Variants in LPP observed in about 807,000 individuals in gnomAD.
The protein encoded by LPP is LIM domain containing preferred translocation partner in lipoma.
In LPP, 38 loss-of-function variants were observed where a neutral mutation model predicts 60.4. That is an observed-to-expected ratio of 0.63 (90% CI 0.49 to 0.83). The LOEUF is 0.83. Among genes scored for constraint, LPP ranks in the 40% least tolerant of loss-of-function variants. The probability of loss-of-function intolerance (pLI) is 0.00; values close to 1 mark genes in which losing one functional copy is unlikely to be tolerated. For missense variants in LPP, 902 were observed against 783.6 expected, an observed-to-expected ratio of 1.15 and a Z score of -1.80; for synonymous variants, 328 against 290.8, an observed-to-expected ratio of 1.13 and a Z score of -1.30.
intron 4 of LPP, 38 bp from the exon 5 acceptor site, chr3:188,484,554 T>C (rs1560463659): frequency 7.0e-7 from 1 of 1,424,536 alleles, no homozygotes; most frequent in Non-Finnish European, 9.9e-7. Flanking sequence ...TAACGTTGCA[T>C]CCTTATTAAC....
At chr3:188,473,671 A>T (rs1475842807) in intron 4 of LPP, among the ~76,000 whole-genome samples, 1 of 152,208 alleles carries the variant, frequency 6.6e-6, no homozygotes, top group Non-Finnish European at 1.5e-5. Context: ...AATTCTGTCT[A>T]TGACATGTAT....
intron 3 of LPP, among the ~76,000 whole-genome samples, chr3:188,362,302 T>C (rs998677146): frequency 6.6e-6 from 1 of 152,220 alleles, no homozygotes; most frequent in African/African-American, 2.4e-5. Flanking sequence ...TGAGAATATC[T>C]TCTCCAAAGA....
chr3:188,587,828 G>A (rs1390452279), intron 6 of LPP, among the ~76,000 whole-genome samples: 1 of 152,128 alleles, frequency 6.6e-6, no homozygotes, highest in Admixed American at 6.6e-5. Context: ...TCTTTAAGAG[G>A]TTTAGGGAAT....
At chr3:188,248,038 G>C (rs1727639163) in intron 2 of LPP, among the ~76,000 whole-genome samples, 1 of 152,066 alleles carries the variant, frequency 6.6e-6, no homozygotes, top group Middle Eastern at 3.2e-3. Context: ...AAGCTCCCGA[G>C]AGTTTAGAAC....
intron 2 of LPP, among the ~76,000 whole-genome samples, chr3:188,237,689 G>A (rs1722405281): frequency 6.6e-6 from 1 of 151,354 alleles, no homozygotes; most frequent in African/African-American, 2.4e-5. Context: ...TTTCTGAGCA[G>A]TAGGTAACAG....
intron 5 of LPP, among the ~76,000 whole-genome samples, chr3:188,510,363 A>G (rs1284268808): frequency 6.6e-6 from 1 of 152,212 alleles, no homozygotes; most frequent in African/African-American, 2.4e-5. Context: ...AATCACGTTC[A>G]TTTCTGATTA....
chr3:188,462,542 CTTTATATATATATATATA>C (rs1445635851), intron 4 of LPP, among the ~76,000 whole-genome samples: 807 of 64,284 alleles, frequency 0.013, 40 homozygotes, highest in East Asian at 0.044. Context: ...TTTATATGAG[CTTTATATATATATATATA>C]TATATATATA....
intron 3 of LPP, among the ~76,000 whole-genome samples, chr3:188,392,654 G>A (rs930743384): frequency 1.3e-5 from 2 of 152,060 alleles, no homozygotes; most frequent in African/African-American, 2.4e-5. Flanking sequence ...TTTCTAAATT[G>A]TCTTGACAAT....
At chr3:188,273,883 C>T (rs948062458) in intron 2 of LPP, among the ~76,000 whole-genome samples, 2 of 152,070 alleles carry the variant, frequency 1.3e-5, no homozygotes, top group African/African-American at 4.8e-5. Flanking sequence ...GTGTGAGCCA[C>T]CATGTCTGGC....
At chr3:188,374,324 T>G (rs1245956503) in intron 3 of LPP, among the ~76,000 whole-genome samples, 3 of 152,184 alleles carry the variant, frequency 2.0e-5, no homozygotes, top group Non-Finnish European at 4.4e-5. Flanking sequence ...ATGATATTGA[T>G]TCTTCCTACC....
At chr3:188,561,881 T>G (rs1830763068) in intron 6 of LPP, among the ~76,000 whole-genome samples, 1 of 152,002 alleles carries the variant, frequency 6.6e-6, no homozygotes, top group African/African-American at 2.4e-5. Flanking sequence ...GAAACTGTTA[T>G]GAGTAAAGAT....
chr3:188,465,509 C>G (rs1007946228), intron 4 of LPP, among the ~76,000 whole-genome samples: 5 of 152,176 alleles, frequency 3.3e-5, no homozygotes, highest in African/African-American at 1.2e-4. Context: ...AATATTCTCA[C>G]AAAAGCCTTC....
intron 8 of LPP, among the ~76,000 whole-genome samples, chr3:188,725,702 A>G (rs1038425070): frequency 6.6e-6 from 1 of 152,212 alleles, no homozygotes; most frequent in Admixed American, 6.5e-5. Context: ...TCCATTAAAC[A>G]TTAGTCCACA....
chr3:188,401,843 T>A (rs888655019), intron 3 of LPP, among the ~76,000 whole-genome samples: 2 of 152,148 alleles, frequency 1.3e-5, no homozygotes, highest in East Asian at 3.9e-4. Flanking sequence ...ACTATAAGGA[T>A]GTATAACTTG....
At chr3:188,295,131 G>T (rs1747423119) in intron 2 of LPP, among the ~76,000 whole-genome samples, 1 of 152,150 alleles carries the variant, frequency 6.6e-6, no homozygotes, top group South Asian at 2.1e-4. Context: ...GTATTTGAAC[G>T]GTTCGTACAC....
At chr3:188,708,645 G>A (rs1865958816) in intron 8 of LPP, 1 of 559,764 alleles carries the variant, frequency 1.8e-6, no homozygotes, top group Admixed American at 3.1e-5. Flanking sequence ...TTTTATTGTT[G>A]AGACTTATTT....
At chr3:188,602,766 C>A (rs2151245182) in intron 6 of LPP, among the ~76,000 whole-genome samples, 1 of 150,842 alleles carries the variant, frequency 6.6e-6, no homozygotes, top group South Asian at 2.1e-4. Context: ...TAGCATTTCC[C>A]CTCCTTTGTT....
Position 188,524,656 on chromosome 3 carries a change from T to C in LPP, c.307-9T>C, listed in dbSNP as rs1276269681. ...TCCTTTGTTAACATGTCTGTGTTGC[T>C]TCCAACAGGGGAATCCCGGAGGCAA... On this transcript the variant is annotated splice_polypyrimidine_tract_variant and intron_variant, in intron 5 of 11. Coordinates refer to ENST00000617246, the MANE Select transcript of LPP (RefSeq NM_001375462.1). The C allele has an allele frequency of 6.2e-7, 1 of 1,611,506 alleles. No homozygotes were observed. Among genetic ancestry groups the C allele is most frequent in the South Asian group, 1.1e-5 (1 of 90,772 alleles).
At chr3:188,468,105 G>A (rs1351202930) in intron 4 of LPP, among the ~76,000 whole-genome samples, 1 of 152,036 alleles carries the variant, frequency 6.6e-6, no homozygotes, top group Non-Finnish European at 1.5e-5. Flanking sequence ...AAAAGAATAC[G>A]AAATGTCCTG....
Sources: gnomAD v4.1 joint callset for allele counts (sites outside exome capture counted in the v4.1 genomes callset) on GRCh38, gnomAD v4.1.1 for gene constraint, MANE v1.5 for transcripts, NCBI Gene and HGNC (gene_info 2026-07-23, HGNC 2026-07-21) for gene names.